FAM184A: variants seen among roughly 807,000 people sequenced by gnomAD.
The protein encoded by FAM184A is protein FAM184A.
In FAM184A, 99 loss-of-function variants were observed where a neutral mutation model predicts 143.8. The observed-to-expected ratio is 0.69, with a 90% CI of 0.58 to 0.81. The LOEUF (loss-of-function observed/expected upper bound fraction) is 0.81, where lower values mean the gene tolerates loss of function less well. Ranked by LOEUF, FAM184A falls within the 40% of genes least tolerant of loss-of-function variation. The probability of loss-of-function intolerance (pLI) is 0.00; values close to 1 mark genes in which losing one functional copy is unlikely to be tolerated. For synonymous variants in FAM184A, 427 were observed against 446.4 expected (o/e 0.96, Z 0.55); for missense variants, 1,217 against 1,310.5 (o/e 0.93, Z 1.10).
rs182242500 is a variant in FAM184A, at chr6:118,965,443, A to G, written c.3034-672T>C. On this transcript the variant is annotated intron_variant, in intron 15 of 17. Coordinates refer to ENST00000338891, the MANE Select transcript of FAM184A (RefSeq NM_024581.6). ...GTAATCAAAGAACAGGGAAAAAGTG[A>G]TTGCCCACATAGAGATAAAACCTTT... Among the ~76,000 whole-genome samples the G allele has an allele frequency of 1.3e-5, 2 of 152,306 alleles. 1 individual carries two copies. The highest frequency in any genetic ancestry group is 3.9e-4 in the East Asian group (2 of 5,188).
At chr6:119,098,088 G>A (rs1788554062) in intron 1 of FAM184A, among the ~76,000 whole-genome samples, 1 of 152,152 alleles carries the variant, frequency 6.6e-6, no homozygotes, top group South Asian at 2.1e-4. Context: ...TGTTGTGGGA[G>A]GGACCCGGTG....
intron 1 of FAM184A, among the ~76,000 whole-genome samples, chr6:119,046,517 T>C (rs975701659): frequency 4.6e-5 from 7 of 152,186 alleles, no homozygotes; most frequent in Non-Finnish European, 1.0e-4. Flanking sequence ...CTACACCAAG[T>C]TGATCTTCAA....
At chr6:118,982,313 ACCC>A (rs1302071007) in intron 9 of FAM184A, among the ~76,000 whole-genome samples, 2 of 151,960 alleles carry the variant, frequency 1.3e-5, no homozygotes, top group Non-Finnish European at 2.9e-5. Flanking sequence ...GAAAGCACCT[ACCC>A]CCTCTCTTTG....
intron 1 of FAM184A, among the ~76,000 whole-genome samples, chr6:119,141,668 G>A (rs1562166796): frequency 1.3e-5 from 2 of 151,926 alleles, no homozygotes; most frequent in African/African-American, 2.4e-5. Context: ...GTAGAGATGA[G>A]GTGTCACCAT....
chr6:119,147,061 T>C (rs1582656101), intron 1 of FAM184A, among the ~76,000 whole-genome samples: 1 of 138,560 alleles, frequency 7.2e-6, no homozygotes, highest in East Asian at 2.0e-4. Flanking sequence ...AGTGGCAGGC[T>C]CTGTTTTTTT....
At chr6:119,034,019 A>AATAT (rs1166841690) in intron 1 of FAM184A, among the ~76,000 whole-genome samples, 36 of 63,522 alleles carry the variant, frequency 5.7e-4, no homozygotes, top group African/African-American at 1.4e-3. Context: ...AAAAAAAAAA[A>AATAT]ATATATATAT....
At chr6:119,146,738 C>T (rs576481253) in intron 1 of FAM184A, among the ~76,000 whole-genome samples, 1 of 151,972 alleles carries the variant, frequency 6.6e-6, no homozygotes, top group Admixed American at 6.6e-5. Context: ...GGTTGTTGGT[C>T]GACATGTATC....
At chr6:119,011,194 T>G (rs1401567936) in intron 6 of FAM184A, 115 bp downstream of exon 6, 1 of 842,754 alleles carries the variant, frequency 1.2e-6, no homozygotes, top group Non-Finnish European at 1.8e-6. Context: ...TTTTAAATTA[T>G]TTTTATTCTA....
At chr6:118,977,173 G>A (rs545643983) in intron 11 of FAM184A, among the ~76,000 whole-genome samples, 2 of 152,202 alleles carry the variant, frequency 1.3e-5, no homozygotes, top group East Asian at 1.9e-4. Context: ...AACAAACTAC[G>A]GTGGATCAAA....
At chr6:119,080,257 G>A, upstream of FAM184A, among the ~76,000 whole-genome samples, 1 of 152,186 alleles carries the variant, frequency 6.6e-6, no homozygotes, top group Non-Finnish European at 1.5e-5. Context: ...CATTAGTTGA[G>A]TCACCCAACC....
rs892999222 is a variant in FAM184A at position 119,114,979 on chromosome 6, C to A, written c.-202+34099G>T. Among the ~76,000 whole-genome samples, 35 of 152,098 alleles carry A rather than the reference C, an allele frequency of 2.3e-4. 1 individual carries two copies. The highest frequency in any genetic ancestry group is 8.5e-4 in the African/African-American group (35 of 41,390). ...AAGCAATCCTCCCACTGCAGCCTTC[C>A]GAGTAGCTGGGAGCATTTTTTCAGG... On this transcript the variant is annotated intron_variant, in intron 1 of 16. Coordinates refer to the FAM184A transcript ENST00000352896.
chr6:119,134,251 C>A (rs2114880202), intron 1 of FAM184A, among the ~76,000 whole-genome samples: 1 of 152,136 alleles, frequency 6.6e-6, no homozygotes, highest in Admixed American at 6.5e-5. Flanking sequence ...AAGGGGAATA[C>A]AAATAGTCTA....
intron 1 of FAM184A, among the ~76,000 whole-genome samples, chr6:119,113,627 G>GAA (rs1788988183): frequency 6.9e-6 from 1 of 144,874 alleles, no homozygotes; most frequent in South Asian, 2.2e-4. Flanking sequence ...TTGAGAGAGA[G>GAA]AGAGAGAAAG....
At chr6:119,030,102 T>A (rs1785812777) in intron 1 of FAM184A, among the ~76,000 whole-genome samples, 1 of 152,178 alleles carries the variant, frequency 6.6e-6, no homozygotes, top group Admixed American at 6.5e-5. Context: ...ATTAAGAGAT[T>A]CTGGAAGCAT....
chr6:118,964,019 A>G (rs1420504004), intron 16 of FAM184A: 1 of 152,106 alleles, frequency 6.6e-6, no homozygotes, highest in Non-Finnish European at 1.5e-5. Context: ...AGTCATACTC[A>G]ATTTTAATTA....
intron 1 of FAM184A, among the ~76,000 whole-genome samples, chr6:119,065,683 G>A (rs1787425450): frequency 6.6e-6 from 1 of 150,968 alleles, no homozygotes; most frequent in Non-Finnish European, 1.5e-5. Flanking sequence ...ACAAAGTGCT[G>A]CCAAATTTAT....
In FAM184A at chr6:119,002,996, T is replaced by C; in HGVS notation, c.1991A>G (p.Lys664Arg). 1 of 1,612,896 alleles carries C rather than the reference T, an allele frequency of 6.2e-7. No individual in the cohort carries two copies. Among genetic ancestry groups the C allele is most frequent in the South Asian group, 1.1e-5 (1 of 90,916 alleles). Residue 664 changes from lysine (K) to arginine (R), a missense_variant, in exon 9 of 18, where the codon AAG becomes AGG. Physicochemically the swap from Lys to Arg is conservative, Grantham distance 26 (BLOSUM62 2). Transcript: ENST00000338891. ...EELRLQHEED[K>R]KSAMSQLLQL... ...CAAAAGTTGAGACATTGCTGACTTC[T>C]TATCCTCTTCATGTTGAAGCCTTAA...
In FAM184A at chr6:119,097,351, GACAA is replaced by G. The variant is rs375586810; in HGVS notation, c.-202+51723_-202+51726del. 6.3e-4 allele frequency among the ~76,000 whole-genome samples: 96 copies of G among 152,138 alleles called. No individual in the cohort carries two copies. In the South Asian group the frequency reaches 0.011, roughly 17 times the overall value. On this transcript the variant is annotated intron_variant, in intron 1 of 16. Coordinates refer to the FAM184A transcript ENST00000352896. ...TATAAAAAGAACAATTAAAAGCAAA[GACAA>G]ACAAAATGTGAACCATCACAAACAC...
At chr6:119,111,307 C>T (rs138941266) in intron 1 of FAM184A, among the ~76,000 whole-genome samples, 166 of 152,174 alleles carry the variant, frequency 1.1e-3, no homozygotes, top group African/African-American at 3.9e-3. Context: ...ATTCTCAGAG[C>T]ACTTAAATTC....
Sources: gnomAD v4.1 joint callset for allele counts (sites outside exome capture counted in the v4.1 genomes callset) on GRCh38, gnomAD v4.1.1 for gene constraint, MANE v1.5 for transcripts, NCBI Gene and HGNC (gene_info 2026-07-23, HGNC 2026-07-21) for gene names.